RTEL1: variants seen among roughly 807,000 people sequenced by gnomAD.
RTEL1 encodes regulator of telomere elongation helicase 1.
In RTEL1, 86 loss-of-function variants were observed where a neutral mutation model predicts 162.2. That is an observed-to-expected ratio of 0.53 (90% CI 0.45 to 0.63). The LOEUF is 0.63. Ranked by LOEUF, RTEL1 falls within the 30% of genes least tolerant of loss-of-function variation. The pLI is 0.00. For missense variants in RTEL1, 1,941 were observed against 1,750.2 expected, an observed-to-expected ratio of 1.11 and a Z score of -1.95; for synonymous variants, 958 against 717.9, an observed-to-expected ratio of 1.33 and a Z score of -5.35.
At chr20:63,663,770 G>A (rs902544222) in intron 6 of RTEL1, among the ~76,000 whole-genome samples, 1 of 152,150 alleles carries the variant, frequency 6.6e-6, no homozygotes, top group Non-Finnish European at 1.5e-5. Context: ...AGAAGGCATC[G>A]GCGGTCCTGT....
At chr20:63,666,434 G>A (rs990601457) in intron 7 of RTEL1, among the ~76,000 whole-genome samples, 3 of 152,218 alleles carry the variant, frequency 2.0e-5, no homozygotes, top group Non-Finnish European at 2.9e-5. Context: ...CTGGCAGCTC[G>A]GCCTTGTTCT....
At position 63,695,011 on chromosome 20, in the gene RTEL1, G is replaced by C. The variant is rs200858796; in HGVS notation, c.3343+37G>C. Reference sequence around the variant, plus strand: ...TGGCGTGGGGAACAGCCGGTGGGGTGGGGGGCAGGGGACAAAATGGGGGCT... The same window carrying C: ...TGGCGTGGGGAACAGCCGGTGGGGTCGGGGGCAGGGGACAAAATGGGGGCT... On this transcript the variant is annotated intron_variant, in intron 32 of 34. Coordinates refer to ENST00000360203, the MANE Select transcript of RTEL1 (RefSeq NM_001283009.2). 3.1e-6 allele frequency: 5 copies of C among 1,609,948 alleles called. No homozygotes were observed. In the Admixed American group the frequency reaches 8.3e-5, roughly 27 times the overall value.
At position 63,688,136 on chromosome 20, in the gene RTEL1, T is replaced by A; in HGVS notation, c.1596-3T>A. ...TCCTGAGCAGTGGCCTCTCCGGCTC[T>A]AGGTTTTCCGAGGAGTGCTTATCCT... On this transcript the variant is annotated splice_polypyrimidine_tract_variant and splice_region_variant and intron_variant, in intron 18 of 34. Transcript: ENST00000360203. The A allele has an allele frequency of 6.2e-7, 1 of 1,612,538 alleles. No individual in the cohort carries two copies. The highest frequency in any genetic ancestry group is 8.5e-7 in the Non-Finnish European group (1 of 1,179,938).
intron 30 of RTEL1, 34 bp downstream of exon 30, chr20:63,693,317 C>T (rs546262939): frequency 3.7e-6 from 6 of 1,609,456 alleles, no homozygotes; most frequent in Non-Finnish European, 5.1e-6. Context: ...CCTCAGACTC[C>T]TGCGTGGAAG....
rs749402415 is a variant in RTEL1, at chr20:63,689,885, A to C, written c.2141+20A>C. On this transcript the variant is annotated intron_variant, in intron 24 of 34. Transcript: ENST00000360203. ...CCACAGGTGCGTGCAGTCCGGTGGC[A>C]GGCGCGGCGCCAGGGGACACGCCCA... 3 of 1,592,990 alleles carry C rather than the reference A, an allele frequency of 1.9e-6. No individual in the cohort carries two copies. The highest frequency in any genetic ancestry group is 2.6e-6 in the Non-Finnish European group (3 of 1,170,686).
At position 63,668,390 on chromosome 20, in the gene RTEL1, T is replaced by C. The variant is rs986236519; in HGVS notation, c.699+837T>C. Reference sequence around the variant, plus strand: ...CTATTCCAGGCATAGCAAGACTGGCTTCACTCACATGGAGCTTTGATTCTA... The same window carrying C: ...CTATTCCAGGCATAGCAAGACTGGCCTCACTCACATGGAGCTTTGATTCTA... On this transcript the variant is annotated intron_variant, in intron 8 of 34. Transcript: ENST00000360203. This position sits in a 1 kb window ranked among gnomAD's most constrained non-coding sequence, Gnocchi z 4.3. Among the ~76,000 whole-genome samples, 1 of 152,202 alleles carries C rather than the reference T, an allele frequency of 6.6e-6. No homozygotes were observed. The highest frequency in any genetic ancestry group is 1.5e-5 in the Non-Finnish European group (1 of 68,034).
At position 63,668,803 on chromosome 20, in the gene RTEL1, G is replaced by A. The variant is rs896661461; in HGVS notation, c.699+1250G>A. Among the ~76,000 whole-genome samples the A allele has an allele frequency of 1.3e-5, 2 of 152,150 alleles. No individual in the cohort carries two copies. Among genetic ancestry groups the A allele is most frequent in the African/African-American group, 2.4e-5 (1 of 41,432 alleles). On this transcript the variant is annotated intron_variant, in intron 8 of 34. Coordinates refer to ENST00000360203, the MANE Select transcript of RTEL1 (RefSeq NM_001283009.2). This position sits in a 1 kb window ranked among gnomAD's most constrained non-coding sequence, Gnocchi z 4.3. ...GGTAAGCCGAGTCTAACACTTTCAC[G>A]GAAACGCAGAAGATCTAAAACAGCA...
At chr20:63,684,151 G>A (rs1015159133) in intron 14 of RTEL1, among the ~76,000 whole-genome samples, 2 of 152,098 alleles carry the variant, frequency 1.3e-5, no homozygotes, top group Admixed American at 6.6e-5. Flanking sequence ...TTGTGTCTGG[G>A]CCTCCATGCC....
rs1406058399 is a variant in RTEL1, at chr20:63,662,574, G to A, written c.424G>A (p.Glu142Lys). 6.2e-7 allele frequency: 1 copy of A among 1,613,874 alleles called. No homozygotes were observed. Among genetic ancestry groups the A allele is most frequent in the Non-Finnish European group, 8.5e-7 (1 of 1,180,020 alleles). ...RPKVCVLGSR[E>K]QLCIHPEVKK... is the part of the protein sequence containing the mutation. ...TAAGGTGTGTGTGCTGGGCTCCCGG[G>A]AGCAGCTGTGCATCCATCCTGAGGT... The change falls in exon 5 of 35, where the codon GAG (glutamate) becomes AAG (lysine). Residue 142 changes from glutamate (E) to lysine (K), a missense_variant. By Grantham distance (56) the Glu-to-Lys change is moderately conservative. Coordinates refer to ENST00000360203, the MANE Select transcript of RTEL1 (RefSeq NM_001283009.2).
intron 16 of RTEL1, chr20:63,686,618 C>G (rs952925179): frequency 3.3e-5 from 5 of 152,496 alleles, no homozygotes; most frequent in African/African-American, 1.2e-4. Flanking sequence ...ATGACGTGGC[C>G]CTGGCTGAAG....
At position 63,691,758 on chromosome 20, in the gene RTEL1, C is replaced by T. The variant is rs1318793438; in HGVS notation, c.2573C>T (p.Thr858Ile). ...CCTCCTCAGGCCCACAGCTGCTCCA[C>T]CCTGTCCCTCCTGTCTGAGAAGAGG... is the stretch of plus-strand genomic sequence containing the variant. The part of the protein sequence containing the change: ...PGEEQAHSCS[T>I]LSLLSEKRPA... The change falls in exon 28 of 35, where the codon ACC becomes ATC. Residue 858 changes from threonine (T) to isoleucine (I), a missense_variant. Physicochemically the swap from Thr to Ile is moderately conservative, Grantham distance 89. Coordinates refer to ENST00000360203, the MANE Select transcript of RTEL1 (RefSeq NM_001283009.2). 6.2e-7 allele frequency: 1 copy of T among 1,612,380 alleles called. No homozygotes were observed. Among genetic ancestry groups the T allele is most frequent in the Non-Finnish European group, 8.5e-7 (1 of 1,179,820 alleles).
chr20:63,672,875 C>A (rs1312874864), intron 9 of RTEL1, among the ~76,000 whole-genome samples: 1 of 152,260 alleles, frequency 6.6e-6, no homozygotes, highest in African/African-American at 2.4e-5. Flanking sequence ...GCTCACCAGA[C>A]CCTTTCCCTC....
At chr20:63,688,644 C>G in intron 21 of RTEL1, 39 bp downstream of exon 21, 11 of 1,560,318 alleles carry the variant, frequency 7.0e-6, no homozygotes, top group Non-Finnish European at 9.6e-6. Context: ...GCTGCCCCCT[C>G]GTGCCTCCCC....
At chr20:63,692,034 G>A in intron 28 of RTEL1, 197 bp downstream of exon 28, 1 of 549,900 alleles carries the variant, frequency 1.8e-6, no homozygotes, top group East Asian at 3.1e-5. Flanking sequence ...ATGAGTCCCA[G>A]CTGGAATCAG....
At chr20:63,679,098 C>T (rs1417654906) in intron 12 of RTEL1, among the ~76,000 whole-genome samples, 2 of 152,184 alleles carry the variant, frequency 1.3e-5, no homozygotes, top group South Asian at 2.1e-4. Context: ...AGGCCTGGAA[C>T]GTTCTGAACG....
At chr20:63,691,266 G>C (rs1601174978) in intron 27 of RTEL1, among the ~76,000 whole-genome samples, 1 of 152,206 alleles carries the variant, frequency 6.6e-6, no homozygotes, top group East Asian at 1.9e-4. Context: ...GGCTGCGCTT[G>C]AGGCTGGCCT....
chr20:63,676,778 CA>C (rs963306454), intron 10 of RTEL1, among the ~76,000 whole-genome samples: 1 of 152,098 alleles, frequency 6.6e-6, no homozygotes, highest in African/African-American at 2.4e-5. Context: ...ACTAAAAATA[CA>C]AAAAAATTAG....
chr20:63,688,119 A>AGT lies in RTEL1; in HGVS notation c.1596-18_1596-17dup. The AGT allele has an allele frequency of 1.2e-6, 2 of 1,612,360 alleles. No homozygotes were observed. Among genetic ancestry groups the AGT allele is most frequent in the Non-Finnish European group, 1.7e-6 (2 of 1,179,738 alleles). ...AGCACTGAGGCCTGAGGTCCTGAGC[A>AGT]GTGGCCTCTCCGGCTCTAGGTTTTC... is the stretch of plus-strand genomic sequence containing the variant. On this transcript the variant is annotated intron_variant, in intron 18 of 34. Transcript: ENST00000360203.
intron 14 of RTEL1, chr20:63,682,154 T>C: frequency 1.0e-6 from 1 of 985,336 alleles, no homozygotes; most frequent in Non-Finnish European, 1.2e-6. Flanking sequence ...CTCCACACTA[T>C]GGAACTGAAT....
Sources: allele counts gnomAD v4.1 joint callset (sites outside exome capture counted in the v4.1 genomes callset), GRCh38; gene constraint gnomAD v4.1.1; non-coding constraint Gnocchi (gnomAD v3.1); transcripts MANE v1.5; gene names NCBI Gene and HGNC (gene_info 2026-07-23, HGNC 2026-07-21).